TRIM42: variants seen among roughly 807,000 people sequenced by gnomAD.
TRIM42 encodes tripartite motif containing 42, also known as tripartite motif-containing protein 42.
A neutral mutation model predicts 64.9 loss-of-function variants in TRIM42; 59 were observed. That is an observed-to-expected ratio of 0.91 (90% CI 0.74 to 1.13). The LOEUF is 1.13. TRIM42 is among the 50% of genes most tolerant of loss of function. The pLI, the probability that TRIM42 is intolerant of heterozygous loss-of-function variation, is 0.00. For missense variants in TRIM42, 878 were observed against 929.5 expected (o/e 0.94, Z 0.72); for synonymous variants, 354 against 346.3 (o/e 1.02, Z -0.25).
rs759833545 is a variant in TRIM42 at position 140,678,409 on chromosome 3, C to A, written c.180C>A (p.Ser60Arg). 64 of 1,614,076 alleles carry A rather than the reference C, an allele frequency of 4.0e-5. No individual in the cohort carries two copies. The highest frequency in any genetic ancestry group is 5.3e-5 in the Non-Finnish European group (63 of 1,180,038). ...TCTGCCACTGCACCTGTTCTGAGAGCCCCAACTGCCATTGGTGTTGCTGCT... is the reference window on the plus strand; with the variant it reads ...TCTGCCACTGCACCTGTTCTGAGAGACCCAACTGCCATTGGTGTTGCTGCT... ...CQFCHCTCSE[S>R]PNCHWCCCSW... The change falls in exon 1 of 5, where the codon AGC (serine) becomes AGA (arginine). Residue 60 changes from serine to arginine, a missense_variant. Ser to Arg is a moderately radical substitution (Grantham distance 110). Transcript: ENST00000286349.
chr3:140,685,666 T>A (rs180894438), intron 2 of TRIM42, among the ~76,000 whole-genome samples: 3 of 152,068 alleles, frequency 2.0e-5, no homozygotes, highest in Admixed American at 1.3e-4. Flanking sequence ...AGAGAAGAGT[T>A]TTTTTTTAAC....
At chr3:140,696,758 A>G (rs1001716890) in intron 4 of TRIM42, among the ~76,000 whole-genome samples, 3 of 152,158 alleles carry the variant, frequency 2.0e-5, no homozygotes, top group African/African-American at 7.2e-5. Context: ...CTCTGTGTTT[A>G]AATTTCCTCT....
chr3:140,693,699 T>G (rs537081546), intron 4 of TRIM42, among the ~76,000 whole-genome samples: 1 of 152,368 alleles, frequency 6.6e-6, no homozygotes, highest in South Asian at 2.1e-4. Context: ...GGATCATTTC[T>G]TATCCAAAAT....
intron 4 of TRIM42, among the ~76,000 whole-genome samples, chr3:140,696,523 C>T (rs1988855295): frequency 6.6e-6 from 1 of 152,160 alleles, no homozygotes; most frequent in African/African-American, 2.4e-5. Context: ...TGTAAGCGTT[C>T]TCTGGGTTAT....
intron 2 of TRIM42, among the ~76,000 whole-genome samples, chr3:140,684,177 C>T (rs1042269822): frequency 6.6e-6 from 1 of 152,148 alleles, no homozygotes; most frequent in African/African-American, 2.4e-5. Context: ...AAAATGTCCT[C>T]CATGGATAAG....
At chr3:140,679,220 T>C (rs1988295906) in intron 1 of TRIM42, among the ~76,000 whole-genome samples, 1 of 152,188 alleles carries the variant, frequency 6.6e-6, no homozygotes, top group Admixed American at 6.5e-5. Flanking sequence ...CTGCGGACCA[T>C]ATAAATACCC....
At chr3:140,680,765 A>T in intron 1 of TRIM42, 1 of 937,736 alleles carries the variant, frequency 1.1e-6, no homozygotes, top group Non-Finnish European at 1.3e-6. Context: ...TAAGGGACAA[A>T]TTTTCCAGGT....
chr3:140,699,016 A>C (rs952207219), intron 4 of TRIM42, among the ~76,000 whole-genome samples: 12 of 112,872 alleles, frequency 1.1e-4, no homozygotes, highest in African/African-American at 3.3e-4. Flanking sequence ...ATCCTTATTA[A>C]GTTAAGGAAA....
At position 140,682,610 on chromosome 3, in the gene TRIM42, A is replaced by G. The variant is rs577352532; in HGVS notation, c.490A>G (p.Ser164Gly). 1.2e-6 allele frequency: 2 copies of G among 1,614,138 alleles called. No individual in the cohort carries two copies. Among genetic ancestry groups the G allele is most frequent in the Admixed American group, 3.3e-5 (2 of 60,028 alleles). The change falls in exon 2 of 5, where the codon AGC (serine) becomes GGC (glycine). Residue 164 changes from serine (S) to glycine (G), a missense_variant. Transcript: ENST00000286349. The part of the protein sequence containing the change: ...LHSFMLPCNH[S>G]LCEKCLRQLQ... ...CTCATTCATGCTGCCCTGCAACCAC[A>G]GCCTGTGCGAGAAGTGCCTGCGGCA...
rs1188937999 is a variant in TRIM42, at chr3:140,683,144, G to T, written c.1024G>T (p.Ala342Ser). 6.2e-7 allele frequency: 1 copy of T among 1,614,000 alleles called. No individual in the cohort carries two copies. The highest frequency in any genetic ancestry group is 1.3e-5 in the African/African-American group (1 of 75,022). Residue 342 changes from alanine to serine, a missense_variant, in exon 2 of 5, where the codon GCC becomes TCC. Coordinates refer to ENST00000286349, the MANE Select transcript of TRIM42 (RefSeq NM_152616.5). ...ERAASLFSAI[A>S]KFKAVRYEID... ...GGCCGCCTCACTCTTCAGCGCCATC[G>T]CCAAGTTCAAAGCAGGTCCTCCCCT...
chr3:140,690,561 A>G (rs1174229001), intron 3 of TRIM42, among the ~76,000 whole-genome samples: 3 of 62,786 alleles, frequency 4.8e-5, no homozygotes, highest in South Asian at 5.5e-4. Context: ...ATATATATAT[A>G]TATATATATA....
chr3:140,691,185 T>C lies in TRIM42; in HGVS notation c.2078T>C (p.Ile693Thr), dbSNP rs750657417. ...NDNGPGQWSD[I>T]CKVVTPDGHG... ...AATGGTCCTGGGCAATGGAGTGATA[T>C]CTGCAAGGTATTGTGTGCGTTATTT... Residue 693 changes from isoleucine to threonine, a missense_variant, in exon 4 of 5, where the codon ATC (isoleucine) becomes ACC (threonine). By Grantham distance (89) the Ile-to-Thr change is moderately conservative. Transcript: ENST00000286349. 4.3e-6 allele frequency: 7 copies of C among 1,613,648 alleles called. No homozygotes were observed. Among genetic ancestry groups the C allele is most frequent in the Non-Finnish European group, 5.9e-6 (7 of 1,179,640 alleles).
In TRIM42 at chr3:140,688,431, T is replaced by C. The variant is rs114024862; in HGVS notation, c.1749T>C (p.Ser583=). 5.6e-6 allele frequency: 9 copies of C among 1,614,070 alleles called. No individual in the cohort carries two copies. In the East Asian group the frequency reaches 1.8e-4, roughly 32 times the overall value. The part of the protein sequence containing the change: ...TYWSAGADSQ[S]VQNSSSFHNW... The stretch of plus-strand genomic sequence containing the variant: ...GGAGTGCTGGAGCAGACAGCCAGTC[T>C]GTACAGAACAGCAGCAGCTTCCACA... The change falls in exon 3 of 5, where the codon TCT becomes TCC. Residue 583 remains serine (S), a synonymous_variant. Transcript: ENST00000286349.
Position 140,688,237 on chromosome 3 carries a change from A to G in TRIM42, c.1555A>G (p.Lys519Glu). The change falls in exon 3 of 5, where the codon AAG (lysine) becomes GAG (glutamate). Residue 519 changes from lysine (K) to glutamate (E), a missense_variant. Physicochemically the swap from Lys to Glu is moderately conservative, Grantham distance 56 (BLOSUM62 1). Coordinates refer to ENST00000286349, the MANE Select transcript of TRIM42 (RefSeq NM_152616.5). ...GCACTCAGAAACAATGATTGCCAGGAAGGTCACTTTCAGCACCCACAGCCT... is the reference window on the plus strand; with the variant it reads ...GCACTCAGAAACAATGATTGCCAGGGAGGTCACTTTCAGCACCCACAGCCT... ...PVHSETMIAR[K>E]VTFSTHSLGN... 1 of 1,614,174 alleles carries G rather than the reference A, an allele frequency of 6.2e-7. No individual in the cohort carries two copies. Among genetic ancestry groups the G allele is most frequent in the Non-Finnish European group, 8.5e-7 (1 of 1,180,030 alleles).
rs775415588 is a variant in TRIM42, at chr3:140,688,204, T to A, written c.1522T>A (p.Tyr508Asn). Residue 508 changes from tyrosine (Y) to asparagine (N), a missense_variant, in exon 3 of 5, where the codon TAC (tyrosine) becomes AAC (asparagine). Physicochemically the swap from Tyr to Asn is moderately radical, Grantham distance 143. Transcript: ENST00000286349. ...RSSGDSLPSP[Y>N]PVHSETMIAR... is the part of the protein sequence containing the mutation. ...CTCAGGGGACTCCCTGCCCTCCCCC[T>A]ACCCCGTGCACTCAGAAACAATGAT... 6.2e-7 allele frequency: 1 copy of A among 1,614,166 alleles called. No individual in the cohort carries two copies. Among genetic ancestry groups the A allele is most frequent in the Non-Finnish European group, 8.5e-7 (1 of 1,180,008 alleles).
At position 140,700,847 on chromosome 3, in the gene TRIM42, G is replaced by A. The variant is rs1988982235; in HGVS notation, c.2086-41G>A. Reference sequence around the variant, plus strand: ...AGAAGGGCCCAGGCTACTGGGAGCTGTTGTCTATTGGGTGTCATGACTCTT... The same window carrying A: ...AGAAGGGCCCAGGCTACTGGGAGCTATTGTCTATTGGGTGTCATGACTCTT... On this transcript the variant is annotated intron_variant, in intron 4 of 4. Coordinates refer to ENST00000286349, the MANE Select transcript of TRIM42 (RefSeq NM_152616.5). The A allele has an allele frequency of 4.4e-6, 7 of 1,590,018 alleles. No individual in the cohort carries two copies. The East Asian group carries it at 1.6e-4, about 36-fold the overall frequency.
Position 140,679,675 on chromosome 3 carries a change from A to G in TRIM42, c.341+1105A>G, listed in dbSNP as rs114757590. On this transcript the variant is annotated intron_variant, in intron 1 of 4. Coordinates refer to ENST00000286349, the MANE Select transcript of TRIM42 (RefSeq NM_152616.5). ...TTCTCGATGCAAGTCTAGAAATCCTAAAACATGGAAAATTGTGTCCACACT... is the reference window on the plus strand; with the variant it reads ...TTCTCGATGCAAGTCTAGAAATCCTGAAACATGGAAAATTGTGTCCACACT... Among the ~76,000 whole-genome samples, 533 of 152,274 alleles carry G rather than the reference A, an allele frequency of 3.5e-3. 2 individuals are homozygous for G. Among genetic ancestry groups the G allele is most frequent in the African/African-American group, 0.012 (517 of 41,554 alleles).
intron 4 of TRIM42, 54 bp from the exon 5 acceptor site, chr3:140,700,834 G>A: frequency 6.5e-7 from 1 of 1,529,902 alleles, no homozygotes; most frequent in East Asian, 2.3e-5. Context: ...AAGGGCCCAG[G>A]CTACTGGGAG....
chr3:140,684,328 G>T (rs1988495381), intron 2 of TRIM42, among the ~76,000 whole-genome samples: 1 of 152,200 alleles, frequency 6.6e-6, no homozygotes, highest in Admixed American at 6.5e-5. Flanking sequence ...AGAATCTGAA[G>T]ATGAAGAGAT....
Sources: allele counts gnomAD v4.1 joint callset (sites outside exome capture counted in the v4.1 genomes callset), GRCh38; gene constraint gnomAD v4.1.1; transcripts MANE v1.5; gene names NCBI Gene and HGNC (gene_info 2026-07-23, HGNC 2026-07-21).